Variants in SPOCK2 observed in about 807,000 individuals in gnomAD.
SPOCK2 encodes SPARC (osteonectin), cwcv and kazal like domains proteoglycan 2.
A neutral mutation model predicts 60.1 loss-of-function variants in SPOCK2; 39 were observed. The ratio of observed to expected loss-of-function variants is 0.65; its 90% confidence interval spans 0.50 to 0.85. The LOEUF (loss-of-function observed/expected upper bound fraction) is 0.85. SPOCK2 is among the 40% of genes least tolerant of loss of function. SPOCK2 has a pLI of 0.00. For missense variants in SPOCK2, 523 were observed against 567.4 expected (o/e 0.92, Z 0.80); for synonymous variants, 217 against 231.5 (o/e 0.94, Z 0.57).
intron 1 of SPOCK2, among the ~76,000 whole-genome samples, chr10:72,073,139 G>A (rs1201276452): frequency 1.3e-5 from 2 of 152,212 alleles, no homozygotes; most frequent in African/African-American, 4.8e-5. Context: ...CTTAGGAGTA[G>A]CAGGGGCCCG....
chr10:72,072,560 A>AGAG lies in SPOCK2; in HGVS notation c.199-15_199-13dup. The AGAG allele has an allele frequency of 1.9e-6, 3 of 1,613,916 alleles. No individual in the cohort carries two copies. The South Asian group carries it at 3.3e-5, about 18-fold the overall frequency. On this transcript the variant is annotated splice_polypyrimidine_tract_variant and intron_variant, in intron 2 of 10. Coordinates refer to ENST00000373109, the MANE Select transcript of SPOCK2 (RefSeq NM_001244950.2). The stretch of plus-strand genomic sequence containing the variant: ...TTGATATAGTCATCCTAGAGGACAG[A>AGAG]GAGGGACAAGGGAGAAGGGAAAGGC...
rs116872611 is a variant in SPOCK2, at chr10:72,068,027, G to A, written c.589+160C>T. Among the ~76,000 whole-genome samples the A allele has an allele frequency of 1.1e-3, 165 of 152,326 alleles. 2 individuals carry two copies. The East Asian group carries it at 0.029, about 27-fold the overall frequency. On this transcript the variant is annotated intron_variant, in intron 6 of 10. Transcript: ENST00000373109. ...GGGCTGAGCCCACGCCTCCTGCTCT[G>A]TGTTAATCTGGGCCTCTGACCTCAC...
chr10:72,063,617 C>A (rs1239762144), intron 9 of SPOCK2, among the ~76,000 whole-genome samples: 1 of 152,244 alleles, frequency 6.6e-6, no homozygotes, highest in Non-Finnish European at 1.5e-5. Flanking sequence ...GGCTCCCCAG[C>A]TGAAGCTCCC....
At chr10:72,066,299 C>A (rs1227928539) in intron 8 of SPOCK2, among the ~76,000 whole-genome samples, 1 of 151,654 alleles carries the variant, frequency 6.6e-6, no homozygotes, top group Non-Finnish European at 1.5e-5. Context: ...CTCTGAGGGG[C>A]CCCAGAAAGT....
intron 1 of SPOCK2, among the ~76,000 whole-genome samples, chr10:72,077,636 A>G (rs1840730315): frequency 6.6e-6 from 1 of 152,196 alleles, no homozygotes; most frequent in Non-Finnish European, 1.5e-5. Flanking sequence ...CTTCACCCCA[A>G]ACACGGGGCC....
chr10:72,074,170 C>T (rs1470327222), intron 1 of SPOCK2, among the ~76,000 whole-genome samples: 2 of 152,196 alleles, frequency 1.3e-5, no homozygotes, highest in African/African-American at 2.4e-5. Flanking sequence ...CACCCACATG[C>T]GTGCAGCAGT....
chr10:72,072,038 A>T (rs1424566241), intron 4 of SPOCK2, 106 bp downstream of exon 4: 2 of 894,642 alleles, frequency 2.2e-6, no homozygotes. Flanking sequence ...AAGTTTTACA[A>T]TTTATTTAAC....
intron 7 of SPOCK2, 21 bp from the exon 8 acceptor site, chr10:72,067,141 G>C (rs1296102305): frequency 6.2e-7 from 1 of 1,605,456 alleles, no homozygotes; most frequent in South Asian, 1.1e-5. Flanking sequence ...ATCAGGTTCA[G>C]GCACGCTTCA....
At chr10:72,078,517 AT>A (rs1217303053) in intron 1 of SPOCK2, among the ~76,000 whole-genome samples, 4 of 151,982 alleles carry the variant, frequency 2.6e-5, no homozygotes, top group Admixed American at 1.3e-4. Context: ...TCTCAAAAAA[AT>A]AAAGAAATAA....
intron 1 of SPOCK2, among the ~76,000 whole-genome samples, chr10:72,077,718 T>G (rs1212669527): frequency 2.0e-5 from 3 of 152,218 alleles, no homozygotes; most frequent in Non-Finnish European, 4.4e-5. Context: ...CAAGGTGTGC[T>G]GAGGAGCAGG....
intron 1 of SPOCK2, among the ~76,000 whole-genome samples, chr10:72,081,729 T>C (rs1476561836): frequency 2.0e-5 from 3 of 152,216 alleles, no homozygotes; most frequent in Non-Finnish European, 4.4e-5. Flanking sequence ...ATCACTGAAA[T>C]TCAGGGAGCT....
In SPOCK2 at chr10:72,087,688, G is replaced by T. The variant is rs1840880158; in HGVS notation, c.189+452C>A. Among the ~76,000 whole-genome samples the T allele has an allele frequency of 6.6e-6, 1 of 152,210 alleles. No individual in the cohort carries two copies. The highest frequency in any genetic ancestry group is 2.4e-5 in the African/African-American group (1 of 41,460). On this transcript the variant is annotated intron_variant, in intron 1 of 10. Coordinates refer to ENST00000373109, the MANE Select transcript of SPOCK2 (RefSeq NM_001244950.2). The surrounding 1 kb of genome is among the most constrained non-coding windows in gnomAD (Gnocchi z 4.7). ...GCGAGCCGATGCCACCCTCACTGCC[G>T]GCCCCACCCAGACCTGCCGGTGCTG...
rs1840896211 is a variant in SPOCK2 at position 72,088,409 on chromosome 10, C to G, written c.-81G>C. 7.0e-7 allele frequency: 1 copy of G among 1,421,350 alleles called. No homozygotes were observed. The highest frequency in any genetic ancestry group is 1.4e-5 in the African/African-American group (1 of 68,968). 88.0% of individuals were successfully genotyped at this position (1,421,350 alleles called of 1,614,324 possible). A position where few individuals can be genotyped will look rare whatever the true frequency, so the allele number is the denominator to read the frequency against. On this transcript the variant is annotated 5_prime_UTR_variant, in exon 1 of 11. Coordinates refer to ENST00000373109, the MANE Select transcript of SPOCK2 (RefSeq NM_001244950.2). ...TCCTCCCACCCCGCTGCTGGCGAAG[C>G]GCACGCGGCTGTCCTCAGCTCTCCT...
At position 72,087,220 on chromosome 10, in the gene SPOCK2, C is replaced by T. The variant is rs1212331745; in HGVS notation, c.189+920G>A. 6.6e-6 allele frequency among the ~76,000 whole-genome samples: 1 copy of T among 151,994 alleles called. No individual in the cohort carries two copies. The highest frequency in any genetic ancestry group is 1.9e-4 in the East Asian group (1 of 5,154). ...GCCCGGCCGAGAGGAAGGAGCCAGC[C>T]CCGCCGGGCCGCCGCCTGCGACTTC... On this transcript the variant is annotated intron_variant, in intron 1 of 10. Transcript: ENST00000373109. This position sits in a 1 kb window ranked among gnomAD's most constrained non-coding sequence, Gnocchi z 4.7.
chr10:72,086,289 A>T (rs1840853804), intron 1 of SPOCK2: 2 of 989,230 alleles, frequency 2.0e-6, no homozygotes, highest in Admixed American at 1.2e-4. Context: ...GCACCAATAC[A>T]GAGAGACAGG....
At chr10:72,083,544 A>G (rs115844789) in intron 1 of SPOCK2, among the ~76,000 whole-genome samples, 2,143 of 152,302 alleles carry the variant, frequency 0.014, 43 homozygotes, top group African/African-American at 0.048. Context: ...CTTTTTGAGA[A>G]GGGGACGGGA....
rs760949587 is a variant in SPOCK2, at chr10:72,067,109, T to C, written c.721A>G (p.Ser241Gly). ...VAGPASGLDKSLGASCKDSIG... is the reference protein window; with the variant it reads ...VAGPASGLDKGLGASCKDSIG... ...GAGTCCTTGCAGCTGGCCCCCAGGC[T>C]CTTGTCCAGCCCTGGGAAAAGATCA... Residue 241 changes from serine (S) to glycine (G), a missense_variant, in exon 8 of 11, where the codon AGC becomes GGC. Coordinates refer to ENST00000373109, the MANE Select transcript of SPOCK2 (RefSeq NM_001244950.2). The C allele has an allele frequency of 5.6e-6, 9 of 1,613,610 alleles. No individual in the cohort carries two copies. The highest frequency in any genetic ancestry group is 7.6e-6 in the Non-Finnish European group (9 of 1,179,896).
intron 7 of SPOCK2, among the ~76,000 whole-genome samples, chr10:72,067,401 A>G (rs941477001): frequency 2.0e-5 from 3 of 151,718 alleles, no homozygotes; most frequent in Non-Finnish European, 4.4e-5. Flanking sequence ...AGCTCCCTCC[A>G]CCCATGTTAA....
Position 72,062,473 on chromosome 10 carries a change from G to A in SPOCK2, c.*287C>T. 2 of 460,662 alleles carry A rather than the reference G, an allele frequency of 4.3e-6. No individual in the cohort carries two copies. Among genetic ancestry groups the A allele is most frequent in the East Asian group, 7.3e-5 (2 of 27,306 alleles). The allele number at this position is 460,662 out of a possible 1,614,324, so 28.5% of individuals were successfully genotyped here. ...GAAAACAGCTACAAGGAGGCCGAAGGGGCCTTTGGGTGACTCACTCTGCCA... is the reference window on the plus strand; with the variant it reads ...GAAAACAGCTACAAGGAGGCCGAAGAGGCCTTTGGGTGACTCACTCTGCCA... On this transcript the variant is annotated 3_prime_UTR_variant, in exon 11 of 11. Transcript: ENST00000373109. This position sits in a 1 kb window ranked among gnomAD's most constrained non-coding sequence, Gnocchi z 4.3.
Sources: gnomAD v4.1 joint callset for allele counts (sites outside exome capture counted in the v4.1 genomes callset) on GRCh38, gnomAD v4.1.1 for gene constraint, Gnocchi (gnomAD v3.1) non-coding constraint, MANE v1.5 for transcripts, NCBI Gene and HGNC (gene_info 2026-07-23, HGNC 2026-07-21) for gene names.